The following PRDM16 variants were observed in gnomAD, a reference collection of about 807,000 sequenced individuals.
The protein encoded by PRDM16 is histone-lysine N-methyltransferase PRDM16.
Under a neutral mutation model 110.6 loss-of-function variants are expected in PRDM16, and 23 were observed. The ratio of observed to expected loss-of-function variants is 0.21; its 90% CI spans 0.15 to 0.29. The LOEUF is 0.29. Among genes scored for constraint, PRDM16 ranks in the 10% least tolerant of loss-of-function variants. The pLI is 1.00. For synonymous variants in PRDM16, 799 were observed against 781.8 expected (o/e 1.02, Z -0.37); for missense variants, 1,615 against 1,794.3 (o/e 0.90, Z 1.81).
intron 3 of PRDM16, among the ~76,000 whole-genome samples, chr1:3,381,075 G>T (rs555563609): frequency 6.6e-6 from 1 of 152,318 alleles, no homozygotes; most frequent in African/African-American, 2.4e-5. Flanking sequence ...ATTGGCCATC[G>T]CTTCAATGTC....
chr1:3,105,794 T>C (rs1175678391), intron 1 of PRDM16, among the ~76,000 whole-genome samples: 2 of 152,242 alleles, frequency 1.3e-5, no homozygotes, highest in Non-Finnish European at 1.5e-5. Context: ...CAGAGGCCAC[T>C]GCTGTGTGCA....
At chr1:3,107,457 C>T (rs1042778078) in intron 1 of PRDM16, among the ~76,000 whole-genome samples, 2 of 152,182 alleles carry the variant, frequency 1.3e-5, no homozygotes, top group African/African-American at 4.8e-5. Context: ...TGTCAGTCTG[C>T]ACAACTAATT....
intron 1 of PRDM16, among the ~76,000 whole-genome samples, chr1:3,109,460 C>T (rs935240439): frequency 1.3e-5 from 2 of 152,208 alleles, no homozygotes; most frequent in African/African-American, 4.8e-5. Flanking sequence ...GACTAGCTCC[C>T]TAAACAGACG....
Position 3,358,617 on chromosome 1 carries a change from G to A in PRDM16, c.439-26535G>A, listed in dbSNP as rs766177386. ...CTCCCTCCTGCCCTCAGCCCTCTCC[G>A]AAGAGCTCAGAAACATCTCCGATTG... On this transcript the variant is annotated intron_variant, in intron 3 of 16. Coordinates refer to ENST00000270722, the MANE Select transcript of PRDM16 (RefSeq NM_022114.4). The surrounding 1 kb of genome is among the most constrained non-coding windows in gnomAD (Gnocchi z 4.0). 6.6e-6 allele frequency among the ~76,000 whole-genome samples: 1 copy of A among 152,110 alleles called. No individual in the cohort carries two copies. The highest frequency in any genetic ancestry group is 1.5e-5 in the Non-Finnish European group (1 of 68,020).
At chr1:3,327,488 A>G (rs1641941022) in intron 3 of PRDM16, among the ~76,000 whole-genome samples, 1 of 151,020 alleles carries the variant, frequency 6.6e-6, no homozygotes, top group African/African-American at 2.4e-5. Flanking sequence ...GGTCAGGACC[A>G]ACAACGGCGG....
intron 1 of PRDM16, among the ~76,000 whole-genome samples, chr1:3,120,805 A>T (rs192412314): frequency 6.6e-6 from 1 of 152,298 alleles, no homozygotes; most frequent in East Asian, 1.9e-4. Context: ...AGCCCTGGCC[A>T]AGAGTGCAAG....
In PRDM16 at chr1:3,069,837, G is replaced by A. The variant is rs996460124; in HGVS notation, c.37+541G>A. ...GCGCAGAGGAGGGAGACCCCGAGCCGGGGAGGGGCGGAGGAGGGGGCGCGG... is the reference window on the plus strand; with the variant it reads ...GCGCAGAGGAGGGAGACCCCGAGCCAGGGAGGGGCGGAGGAGGGGGCGCGG... On this transcript the variant is annotated intron_variant, in intron 1 of 16. Transcript: ENST00000270722. This position sits in a 1 kb window ranked among gnomAD's most constrained non-coding sequence, Gnocchi z 6.1. 6.6e-6 allele frequency among the ~76,000 whole-genome samples: 1 copy of A among 152,090 alleles called. No homozygotes were observed. Among genetic ancestry groups the A allele is most frequent in the African/African-American group, 2.4e-5 (1 of 41,446 alleles).
At chr1:3,317,284 A>G (rs1641630749) in intron 3 of PRDM16, among the ~76,000 whole-genome samples, 1 of 152,090 alleles carries the variant, frequency 6.6e-6, no homozygotes, top group South Asian at 2.1e-4. Flanking sequence ...ACTGTCTCTT[A>G]CCTGGGAGAA....
At position 3,393,319 on chromosome 1, in the gene PRDM16, C is replaced by G. The variant is rs537792118; in HGVS notation, c.574-3172C>G. On this transcript the variant is annotated intron_variant, in intron 4 of 16. Coordinates refer to ENST00000270722, the MANE Select transcript of PRDM16 (RefSeq NM_022114.4). Reference sequence around the variant, plus strand: ...CCTTTCCGGCGGCCAGTCGTCCTCCCTGAGGCCGCTGCTGGGGGCTAAAGG... The same window carrying G: ...CCTTTCCGGCGGCCAGTCGTCCTCCGTGAGGCCGCTGCTGGGGGCTAAAGG... 3.3e-5 allele frequency among the ~76,000 whole-genome samples: 5 copies of G among 152,370 alleles called. No individual in the cohort carries two copies. The East Asian group carries it at 7.7e-4, about 23-fold the overall frequency.
intron 10 of PRDM16, among the ~76,000 whole-genome samples, chr1:3,416,119 T>C (rs2483229): frequency 0.24 from 36,204 of 152,232 alleles, 5,410 homozygotes; most frequent in African/African-American, 0.42. Context: ...TTGGCCACTG[T>C]GGACGGACAC....
chr1:3,368,757 G>A (rs1035265128), intron 3 of PRDM16, among the ~76,000 whole-genome samples: 2 of 152,164 alleles, frequency 1.3e-5, no homozygotes, highest in African/African-American at 4.8e-5. Flanking sequence ...AGATCTGCCA[G>A]AATAAGTCAT....
chr1:3,402,696 G>A, intron 5 of PRDM16, 95 bp from the exon 6 acceptor site: 1 of 1,098,336 alleles, frequency 9.1e-7, no homozygotes. Flanking sequence ...AGGCCCTGAG[G>A]CACCGTGGTG....
Position 3,385,229 on chromosome 1 carries a change from C to G in PRDM16, c.516C>G (p.Ile172Met). The G allele has an allele frequency of 6.2e-7, 1 of 1,613,732 alleles. No homozygotes were observed. Among genetic ancestry groups the G allele is most frequent in the African/African-American group, 1.3e-5 (1 of 75,060 alleles). Residue 172 changes from isoleucine to methionine, a missense_variant, in exon 4 of 17, where the codon ATC becomes ATG. Physicochemically the swap from Ile to Met is conservative, Grantham distance 10 (BLOSUM62 1). Coordinates refer to ENST00000270722, the MANE Select transcript of PRDM16 (RefSeq NM_022114.4). ...QAGAGSWLKYIRVACSCDDQN... is the reference protein window; with the variant it reads ...QAGAGSWLKYMRVACSCDDQN... ...GGGCTGGCAGCTGGCTCAAGTACAT[C>G]CGTGTGGCGTGCTCCTGCGATGACC...
At chr1:3,324,634 C>T (rs748776987) in intron 3 of PRDM16, among the ~76,000 whole-genome samples, 3 of 152,072 alleles carry the variant, frequency 2.0e-5, no homozygotes, top group African/African-American at 4.8e-5. Flanking sequence ...GCATGGCCCC[C>T]ACCCAAGCAC....
chr1:3,186,641 G>T lies in PRDM16; in HGVS notation c.387+167G>T, dbSNP rs114746406. On this transcript the variant is annotated intron_variant, in intron 2 of 16. Coordinates refer to ENST00000270722, the MANE Select transcript of PRDM16 (RefSeq NM_022114.4). ...TTTTATCCTGCAGCTCGCCTGATGC[G>T]ACTCAGAAAGCATCAGAGGTCCTCG... The T allele has an allele frequency of 5.0e-3, 2,781 of 561,098 alleles. 68 individuals are homozygous for T. The highest frequency in any genetic ancestry group is 0.048 in the African/African-American group (2,531 of 52,568). 34.8% of individuals were successfully genotyped at this position (561,098 alleles called of 1,614,324 possible). A position where few individuals can be genotyped will look rare whatever the true frequency, so the allele number is the denominator to read the frequency against.
intron 3 of PRDM16, among the ~76,000 whole-genome samples, chr1:3,320,985 A>G (rs1641726205): frequency 6.6e-6 from 1 of 152,218 alleles, no homozygotes; most frequent in Non-Finnish European, 1.5e-5. Context: ...GGGAGACGAA[A>G]CGCGTGCCCT....
intron 3 of PRDM16, among the ~76,000 whole-genome samples, chr1:3,374,376 C>T (rs1302104309): frequency 6.6e-6 from 1 of 152,208 alleles, no homozygotes; most frequent in African/African-American, 2.4e-5. Context: ...GCTGGGATCC[C>T]CGTTACAGAA....
At chr1:3,212,675 GGCCCCCTCGCTGCGGTCCTCTCT>G (rs1638923933) in intron 2 of PRDM16, among the ~76,000 whole-genome samples, 1 of 148,956 alleles carries the variant, frequency 6.7e-6, no homozygotes, top group African/African-American at 2.5e-5. Flanking sequence ...TCATCCTCCC[GGCCCCCTCGCTGCGGTCCTCTCT>G]GCCACTGTGG....
intron 3 of PRDM16, among the ~76,000 whole-genome samples, chr1:3,338,045 GCA>G (rs751487750): frequency 1.3e-5 from 2 of 152,250 alleles, no homozygotes; most frequent in Non-Finnish European, 2.9e-5. Flanking sequence ...ATATAGACAT[GCA>G]CACACATTCA....
Sources: gnomAD v4.1 joint callset for allele counts (sites outside exome capture counted in the v4.1 genomes callset) on GRCh38, gnomAD v4.1.1 for gene constraint, Gnocchi (gnomAD v3.1) non-coding constraint, MANE v1.5 for transcripts, NCBI Gene and HGNC (gene_info 2026-07-23, HGNC 2026-07-21) for gene names.